The following KCNJ6 variants were observed in gnomAD, a reference collection of about 807,000 sequenced individuals.
KCNJ6 encodes the protein G protein-activated inward rectifier potassium channel 2.
In KCNJ6, 9 loss-of-function variants were observed where a neutral mutation model predicts 34.2. The ratio of observed to expected loss-of-function variants is 0.26; its 90% CI spans 0.16 to 0.46. KCNJ6 has a LOEUF of 0.46. Among genes scored for constraint, KCNJ6 ranks in the 20% least tolerant of loss-of-function variants. KCNJ6 has a pLI of 1.00. For synonymous variants in KCNJ6, 196 were observed against 207.1 expected, an observed-to-expected ratio of 0.95 and a Z score of 0.46; for missense variants, 236 against 531.3, an observed-to-expected ratio of 0.44 and a Z score of 5.46.
At chr21:37,869,604 T>C (rs1282111651) in intron 1 of KCNJ6, among the ~76,000 whole-genome samples, 1 of 152,216 alleles carries the variant, frequency 6.6e-6, no homozygotes, top group Non-Finnish European at 1.5e-5. Flanking sequence ...GCGATGTAGG[T>C]GGCTGATGAC....
At chr21:37,665,899 G>A (rs1277349167) in intron 3 of KCNJ6, among the ~76,000 whole-genome samples, 1 of 152,198 alleles carries the variant, frequency 6.6e-6, no homozygotes, top group Non-Finnish European at 1.5e-5. Flanking sequence ...TTGTCATAAG[G>A]CTTCCTGGAG....
At chr21:37,872,090 G>A (rs1349109836) in intron 1 of KCNJ6, among the ~76,000 whole-genome samples, 5 of 152,174 alleles carry the variant, frequency 3.3e-5, no homozygotes, top group Admixed American at 1.3e-4. Flanking sequence ...TCAAAGTGAA[G>A]AGGTATGGGG....
chr21:37,766,730 T>C lies in KCNJ6; in HGVS notation c.26-51599A>G, dbSNP rs191214334. ...CCAGGGGTCCCCAAACCGTGGGCCATGAACCAGTGCTGGTCTGTGGCCTGT... is the reference window on the plus strand; with the variant it reads ...CCAGGGGTCCCCAAACCGTGGGCCACGAACCAGTGCTGGTCTGTGGCCTGT... On this transcript the variant is annotated intron_variant, in intron 2 of 3. Coordinates refer to ENST00000609713, the MANE Select transcript of KCNJ6 (RefSeq NM_002240.5). Among the ~76,000 whole-genome samples, 99 of 152,296 alleles carry C rather than the reference T, an allele frequency of 6.5e-4. 1 individual carries two copies. Among genetic ancestry groups the C allele is most frequent in the African/African-American group, 2.2e-3 (90 of 41,572 alleles).
intron 2 of KCNJ6, among the ~76,000 whole-genome samples, chr21:37,834,804 A>G (rs920248574): frequency 1.3e-5 from 2 of 152,160 alleles, no homozygotes; most frequent in African/African-American, 2.4e-5. Context: ...AGACCTCTGA[A>G]CCCCTCACAG....
At chr21:37,713,854 G>C (rs2054775851) in intron 3 of KCNJ6, among the ~76,000 whole-genome samples, 1 of 152,046 alleles carries the variant, frequency 6.6e-6, no homozygotes, top group Non-Finnish European at 1.5e-5. Context: ...TTCTAACTTG[G>C]TAACAAATAA....
In KCNJ6 at chr21:37,609,760, G is replaced by C. The variant is rs543685052; in HGVS notation, c.*15399C>G. The C allele has an allele frequency of 4.0e-5, 6 of 151,496 alleles. No homozygotes were observed. The highest frequency in any genetic ancestry group is 6.6e-5 in the Admixed American group (1 of 15,164). The allele number at this position is 151,496 out of a possible 1,614,324, so 9.4% of individuals were successfully genotyped here. On this transcript the variant is annotated 3_prime_UTR_variant, in exon 4 of 4. Coordinates refer to ENST00000609713, the MANE Select transcript of KCNJ6 (RefSeq NM_002240.5). ...TGTTTTTCTGACTGGGGCCCTAGGT[G>C]CATGCTTTAGGGAGGGTAGAGCTGG...
intron 3 of KCNJ6, among the ~76,000 whole-genome samples, chr21:37,651,041 C>T (rs1310252906): frequency 1.3e-5 from 2 of 152,108 alleles, no homozygotes; most frequent in Admixed American, 1.3e-4. Context: ...TAAAACTTAT[C>T]GAGGCTAGGG....
intron 2 of KCNJ6, among the ~76,000 whole-genome samples, chr21:37,764,221 C>G (rs1036688247): frequency 5.3e-5 from 8 of 152,104 alleles, no homozygotes; most frequent in Non-Finnish European, 1.2e-4. Flanking sequence ...AATGGAGAAG[C>G]AGCTGGTTTG....
Position 37,747,734 on chromosome 21 carries a change from C to T in KCNJ6, c.26-32603G>A, listed in dbSNP as rs182333440. On this transcript the variant is annotated intron_variant, in intron 2 of 3. Coordinates refer to ENST00000609713, the MANE Select transcript of KCNJ6 (RefSeq NM_002240.5). The stretch of plus-strand genomic sequence containing the variant: ...GGGGCCATGAGACAAGGATTGTGGG[C>T]GGCCTCTGGAAGATGGAAAGGCAAG... Among the ~76,000 whole-genome samples the T allele has an allele frequency of 2.1e-4, 32 of 152,170 alleles. No homozygotes were observed. In the South Asian group the frequency reaches 2.9e-3, roughly 14 times the overall value.
chr21:37,871,366 T>G (rs1336051404), intron 1 of KCNJ6, among the ~76,000 whole-genome samples: 1 of 152,170 alleles, frequency 6.6e-6, no homozygotes, highest in Non-Finnish European at 1.5e-5. Flanking sequence ...AACCAAAACC[T>G]GGACTTCGTG....
At chr21:37,860,475 T>C (rs1363118451) in intron 1 of KCNJ6, among the ~76,000 whole-genome samples, 1 of 152,186 alleles carries the variant, frequency 6.6e-6, no homozygotes, top group African/African-American at 2.4e-5. Flanking sequence ...GCCAGAGCCA[T>C]CACTGGCTTC....
At chr21:37,772,585 T>C (rs1336950462) in intron 2 of KCNJ6, among the ~76,000 whole-genome samples, 1 of 152,212 alleles carries the variant, frequency 6.6e-6, no homozygotes, top group African/African-American at 2.4e-5. Flanking sequence ...GACAAAATTA[T>C]AAAGCTCAAG....
chr21:37,677,761 A>C (rs1314361666), intron 3 of KCNJ6, among the ~76,000 whole-genome samples: 6 of 4,662 alleles, frequency 1.3e-3, no homozygotes, highest in African/African-American at 2.0e-3. Flanking sequence ...CCCACACACC[A>C]AACCATTTGT....
intron 2 of KCNJ6, among the ~76,000 whole-genome samples, chr21:37,835,269 C>T (rs1203897664): frequency 6.6e-6 from 1 of 152,160 alleles, no homozygotes; most frequent in African/African-American, 2.4e-5. Flanking sequence ...GCCAGCAGAA[C>T]CCTGAGGTTG....
intron 2 of KCNJ6, among the ~76,000 whole-genome samples, chr21:37,763,084 T>A (rs1038412457): frequency 7.9e-5 from 12 of 151,950 alleles, no homozygotes; most frequent in Non-Finnish European, 1.5e-5. Context: ...CAGGACCCAC[T>A]GATTTGGGCA....
intron 2 of KCNJ6, among the ~76,000 whole-genome samples, chr21:37,759,624 C>T (rs565486054): frequency 1.3e-5 from 2 of 152,290 alleles, no homozygotes; most frequent in East Asian, 1.9e-4. Context: ...ACAAGTCATC[C>T]TGTCTAAGTA....
At chr21:37,914,915 GGT>G (rs1047840000) in intron 1 of KCNJ6, among the ~76,000 whole-genome samples, 8 of 124,376 alleles carry the variant, frequency 6.4e-5, no homozygotes, top group African/African-American at 3.5e-4. Context: ...GGAGTTGTGG[GGT>G]TTTTTTTTTT....
chr21:37,644,888 C>T (rs538481136), intron 3 of KCNJ6, among the ~76,000 whole-genome samples: 4 of 152,242 alleles, frequency 2.6e-5, no homozygotes, highest in Admixed American at 1.3e-4. Flanking sequence ...AATAGCCGGA[C>T]TTCCTGCCCT....
At chr21:37,860,756 C>T (rs2055590961) in intron 1 of KCNJ6, among the ~76,000 whole-genome samples, 6 of 152,186 alleles carry the variant, frequency 3.9e-5, no homozygotes, top group Admixed American at 1.3e-4. Flanking sequence ...GTCATGGTTA[C>T]AATGTCACCT....
Sources: allele counts gnomAD v4.1 joint callset (sites outside exome capture counted in the v4.1 genomes callset), GRCh38; gene constraint gnomAD v4.1.1; transcripts MANE v1.5; gene names NCBI Gene and HGNC (gene_info 2026-07-23, HGNC 2026-07-21).